Variants in SDK1 observed in about 807,000 individuals in gnomAD.
SDK1 encodes the protein sidekick cell adhesion molecule 1.
Under a neutral mutation model 245.5 loss-of-function variants are expected in SDK1, and 157 were observed. The observed-to-expected ratio is 0.64, with a 90% confidence interval of 0.56 to 0.73. SDK1 has a LOEUF of 0.73. SDK1 is among the 30% of genes least tolerant of loss of function. The probability of loss-of-function intolerance (pLI) is 0.00; values close to 1 mark genes in which losing one functional copy is unlikely to be tolerated. For missense variants in SDK1, 3,583 were observed against 3,002.3 expected, an observed-to-expected ratio of 1.19 and a Z score of -4.52; for synonymous variants, 1,647 against 1,278.5, an observed-to-expected ratio of 1.29 and a Z score of -6.15.
chr7:3,691,694 C>T (rs1476842849), intron 4 of SDK1, among the ~76,000 whole-genome samples: 1 of 152,228 alleles, frequency 6.6e-6, no homozygotes, highest in Non-Finnish European at 1.5e-5. Flanking sequence ...CACAAACACA[C>T]ACCCCTTGCT....
intron 1 of SDK1, among the ~76,000 whole-genome samples, chr7:3,537,506 G>C (rs912047547): frequency 6.6e-6 from 1 of 152,196 alleles, no homozygotes; most frequent in African/African-American, 2.4e-5. Context: ...TAAGGAATTT[G>C]TTCCTTATTC....
intron 4 of SDK1, among the ~76,000 whole-genome samples, chr7:3,673,289 T>G (rs997408780): frequency 5.9e-5 from 9 of 152,202 alleles, no homozygotes; most frequent in Non-Finnish European, 1.2e-4. Flanking sequence ...CGGTTCATGA[T>G]CAACAGAATC....
chr7:3,496,584 C>G (rs1782033242), intron 1 of SDK1, among the ~76,000 whole-genome samples: 4 of 151,794 alleles, frequency 2.6e-5, no homozygotes, highest in African/African-American at 9.7e-5. Flanking sequence ...AAACAGGTTG[C>G]TTGGTGAAAG....
chr7:3,972,737 A>G (rs1285935780), intron 12 of SDK1, among the ~76,000 whole-genome samples: 1 of 152,050 alleles, frequency 6.6e-6, no homozygotes, highest in Non-Finnish European at 1.5e-5. Flanking sequence ...GGACGCGGAG[A>G]CTCGGCTGTT....
chr7:4,049,317 T>G, intron 17 of SDK1, 31 bp from the exon 18 acceptor site: 3 of 1,560,740 alleles, frequency 1.9e-6, no homozygotes, highest in Non-Finnish European at 2.6e-6. Context: ...TGCCATTTGT[T>G]CTGCTGTCAT....
chr7:4,243,842 T>C (rs1786674571), intron 43 of SDK1, among the ~76,000 whole-genome samples: 1 of 152,186 alleles, frequency 6.6e-6, no homozygotes, highest in African/African-American at 2.4e-5. Context: ...CAGGGACACC[T>C]GAGATTGGTC....
intron 5 of SDK1, among the ~76,000 whole-genome samples, chr7:3,863,855 T>C (rs1317129877): frequency 6.6e-6 from 1 of 152,230 alleles, no homozygotes; most frequent in Non-Finnish European, 1.5e-5. Context: ...CTTGGGTTGT[T>C]TCTGCCTTTT....
chr7:3,471,968 C>T (rs773028268), intron 1 of SDK1, among the ~76,000 whole-genome samples: 14 of 152,178 alleles, frequency 9.2e-5, no homozygotes, highest in Non-Finnish European at 1.8e-4. Flanking sequence ...ACCATAGTCA[C>T]TTTTACTTGA....
intron 2 of SDK1, among the ~76,000 whole-genome samples, chr7:3,633,743 G>T (rs999551235): frequency 1.3e-5 from 2 of 152,128 alleles, no homozygotes; most frequent in African/African-American, 2.4e-5. Context: ...AATTTTGAAG[G>T]GTTCTAAAAC....
intron 4 of SDK1, among the ~76,000 whole-genome samples, chr7:3,779,526 A>T (rs1216508228): frequency 1.3e-5 from 2 of 152,040 alleles, no homozygotes; most frequent in Admixed American, 6.6e-5. Flanking sequence ...CGGTGATTGG[A>T]AAACCGTTTT....
intron 4 of SDK1, among the ~76,000 whole-genome samples, chr7:3,769,394 C>G (rs1404646013): frequency 6.6e-6 from 1 of 152,034 alleles, no homozygotes; most frequent in Non-Finnish European, 1.5e-5. Flanking sequence ...AACCTCAGGT[C>G]TCTCTTCTTA....
rs138788297 is a variant in SDK1 at position 4,054,027 on chromosome 7, C to G, written c.2911+2197C>G. Among the ~76,000 whole-genome samples the G allele has an allele frequency of 1.0e-3, 157 of 152,124 alleles. 1 individual carries two copies. Among genetic ancestry groups the G allele is most frequent in the African/African-American group, 3.6e-3 (149 of 41,474 alleles). ...AATCTTGGCTCACTGCAACCTCTGC[C>G]TCCAGGGTTCAAGCAATTCTCCTGC... On this transcript the variant is annotated intron_variant, in intron 19 of 44. Coordinates refer to ENST00000404826, the MANE Select transcript of SDK1 (RefSeq NM_152744.4).
chr7:3,834,408 G>T (rs1269564745), intron 5 of SDK1, among the ~76,000 whole-genome samples: 2 of 152,214 alleles, frequency 1.3e-5, no homozygotes, highest in Non-Finnish European at 2.9e-5. Context: ...ACACGAAAGG[G>T]AGTTGTGTAG....
intron 1 of SDK1, among the ~76,000 whole-genome samples, chr7:3,414,170 A>C (rs1232884305): frequency 6.6e-6 from 1 of 152,160 alleles, no homozygotes; most frequent in African/African-American, 2.4e-5. Flanking sequence ...AAGAGGAATC[A>C]AGGACTCCTA....
intron 1 of SDK1, among the ~76,000 whole-genome samples, chr7:3,503,027 G>C (rs946334987): frequency 2.6e-5 from 4 of 152,144 alleles, no homozygotes; most frequent in African/African-American, 9.7e-5. Flanking sequence ...TATGTACTAT[G>C]TTCACAGTGG....
intron 5 of SDK1, among the ~76,000 whole-genome samples, chr7:3,842,268 T>G (rs540552001): frequency 3.7e-4 from 57 of 152,136 alleles, no homozygotes; most frequent in Non-Finnish European, 6.8e-4. Flanking sequence ...CCCCAGACCT[T>G]AAGCTCTGCT....
intron 4 of SDK1, among the ~76,000 whole-genome samples, chr7:3,644,862 G>C (rs574980535): frequency 8.7e-5 from 13 of 149,542 alleles, no homozygotes; most frequent in African/African-American, 3.0e-4. Context: ...TATTCTAGAA[G>C]TTTCCAGTGC....
At chr7:3,608,877 A>C (rs1313338554) in intron 1 of SDK1, among the ~76,000 whole-genome samples, 1 of 152,210 alleles carries the variant, frequency 6.6e-6, no homozygotes, top group African/African-American at 2.4e-5. Flanking sequence ...TGAAAAGGCA[A>C]TTAAAATACT....
chr7:3,451,762 C>G (rs1044612022), intron 1 of SDK1, among the ~76,000 whole-genome samples: 5 of 152,184 alleles, frequency 3.3e-5, no homozygotes, highest in Admixed American at 2.6e-4. Flanking sequence ...CCATTTTGCT[C>G]TCCTTCAAAA....
Sources: gnomAD v4.1 joint callset for allele counts (sites outside exome capture counted in the v4.1 genomes callset) on GRCh38, gnomAD v4.1.1 for gene constraint, MANE v1.5 for transcripts, NCBI Gene and HGNC (gene_info 2026-07-23, HGNC 2026-07-21) for gene names.